RB1CC1: variants seen among roughly 807,000 people sequenced by gnomAD.
RB1CC1 encodes the protein RB1-inducible coiled-coil protein 1.
RB1CC1 carries 46 observed loss-of-function variants against 177.5 expected under a neutral mutation model. That is an observed-to-expected ratio of 0.26 (90% confidence interval 0.20 to 0.33). The LOEUF (loss-of-function observed/expected upper bound fraction) is 0.33. Ranked by LOEUF, RB1CC1 falls within the 10% of genes least tolerant of loss-of-function variation. The probability of loss-of-function intolerance (pLI) is 1.00; values close to 1 mark genes in which losing one functional copy is unlikely to be tolerated. For synonymous variants in RB1CC1, 666 were observed against 613.6 expected (o/e 1.09, Z -1.26); for missense variants, 1,703 against 1,816.3 (o/e 0.94, Z 1.13).
chr8:52,657,944 G>C, intron 14 of RB1CC1, 36 bp from the exon 15 acceptor site: 2 of 1,612,544 alleles, frequency 1.2e-6, no homozygotes, highest in Non-Finnish European at 8.5e-7. Context: ...AGAGCTGCAG[G>C]AACACAAACA....
chr8:52,643,438 T>C lies in RB1CC1; in HGVS notation c.3988-626A>G, dbSNP rs148691471. ...TGCTTAGGCCGGACTTGGTGGCTCATGCCTGTAATCTCAGCACTTTGGGAG... is the reference window on the plus strand; with the variant it reads ...TGCTTAGGCCGGACTTGGTGGCTCACGCCTGTAATCTCAGCACTTTGGGAG... On this transcript the variant is annotated intron_variant, in intron 16 of 23. Coordinates refer to ENST00000025008, the MANE Select transcript of RB1CC1 (RefSeq NM_014781.5). Among the ~76,000 whole-genome samples the C allele has an allele frequency of 4.4e-3, 666 of 152,258 alleles. 11 individuals carry two copies. The highest frequency in any genetic ancestry group is 0.022 in the Admixed American group (332 of 15,282).
At chr8:52,667,917 G>T in intron 8 of RB1CC1, 104 bp downstream of exon 8, 1 of 1,135,924 alleles carries the variant, frequency 8.8e-7, no homozygotes, top group Non-Finnish European at 1.2e-6. Flanking sequence ...AAATATTCAA[G>T]GAAAAAGTGA....
chr8:52,685,002 CTTTT>C (rs34656821), intron 3 of RB1CC1, among the ~76,000 whole-genome samples: 5 of 130,272 alleles, frequency 3.8e-5, no homozygotes, highest in Admixed American at 1.5e-4. Flanking sequence ...ATTATGTGAC[CTTTT>C]TTTTTTTTTT....
intron 15 of RB1CC1, among the ~76,000 whole-genome samples, chr8:52,652,066 G>A (rs1850637701): frequency 1.3e-5 from 2 of 152,022 alleles, no homozygotes; most frequent in Non-Finnish European, 2.9e-5. Context: ...TTCAGCATAA[G>A]GTTGGATTTT....
chr8:52,682,149 GA>G (rs1406589390), intron 5 of RB1CC1, among the ~76,000 whole-genome samples: 3 of 152,194 alleles, frequency 2.0e-5, no homozygotes, highest in Non-Finnish European at 4.4e-5. Flanking sequence ...AAGTCCATGG[GA>G]ACCCACCTCT....
rs1848141278 is a variant in RB1CC1, at chr8:52,622,738, ACT to A, written c.*1042_*1043del. Reference sequence around the variant, plus strand: ...TTTACACAATTCTATTCTACATAACACTGTTTACCCTGTTACATAGTATATAG... The same window carrying A: ...TTTACACAATTCTATTCTACATAACAGTTTACCCTGTTACATAGTATATAG... On this transcript the variant is annotated 3_prime_UTR_variant, in exon 24 of 24. Transcript: ENST00000025008. 6.6e-6 allele frequency: 1 copy of A among 151,944 alleles called. No homozygotes were observed. The highest frequency in any genetic ancestry group is 2.4e-5 in the African/African-American group (1 of 41,380). 9.4% of individuals were successfully genotyped at this position (151,944 alleles called of 1,614,324 possible).
Position 52,685,379 on chromosome 8 carries a change from AT to A in RB1CC1, c.71+19del. The A allele has an allele frequency of 3.2e-6, 5 of 1,545,126 alleles. No homozygotes were observed. Among genetic ancestry groups the A allele is most frequent in the Non-Finnish European group, 1.8e-6 (2 of 1,126,248 alleles). ...CATGCAGACAGAATGCGAAAAAAAAATAAATGAAATACAACTCACGTTTGCA... is the reference window on the plus strand; with the variant it reads ...CATGCAGACAGAATGCGAAAAAAAAAAAATGAAATACAACTCACGTTTGCA... On this transcript the variant is annotated intron_variant, in intron 3 of 23. Coordinates refer to ENST00000025008, the MANE Select transcript of RB1CC1 (RefSeq NM_014781.5).
intron 15 of RB1CC1, among the ~76,000 whole-genome samples, chr8:52,652,197 G>C (rs1015054424): frequency 2.0e-5 from 3 of 152,082 alleles, no homozygotes; most frequent in African/African-American, 7.2e-5. Flanking sequence ...GCCAAGCATG[G>C]TGGCTCACGC....
At chr8:52,708,047 C>T (rs1447500786) in intron 1 of RB1CC1, among the ~76,000 whole-genome samples, 2 of 152,118 alleles carry the variant, frequency 1.3e-5, no homozygotes, top group Admixed American at 1.3e-4. Flanking sequence ...AAAATGGTGG[C>T]AATTATGACT....
At chr8:52,652,109 T>G (rs866289969) in intron 15 of RB1CC1, among the ~76,000 whole-genome samples, 1 of 152,174 alleles carries the variant, frequency 6.6e-6, no homozygotes, top group African/African-American at 2.4e-5. Flanking sequence ...CTTAAGAGAT[T>G]TGCAAATACA....
intron 18 of RB1CC1, among the ~76,000 whole-genome samples, chr8:52,636,465 G>C (rs976657755): frequency 1.3e-5 from 2 of 152,090 alleles, no homozygotes; most frequent in South Asian, 2.1e-4. Flanking sequence ...TGCCAGGTGT[G>C]AATTTGCCCA....
chr8:52,700,791 A>G (rs1282244708), intron 1 of RB1CC1, among the ~76,000 whole-genome samples: 1 of 152,250 alleles, frequency 6.6e-6, no homozygotes, highest in Non-Finnish European at 1.5e-5. Flanking sequence ...AAACATGTAT[A>G]CACAAAAACA....
chr8:52,654,262 T>C (rs1021882031), intron 15 of RB1CC1, among the ~76,000 whole-genome samples: 1 of 152,236 alleles, frequency 6.6e-6, no homozygotes, highest in Non-Finnish European at 1.5e-5. Context: ...TTCCATAGGC[T>C]TTGCCCTTGC....
chr8:52,685,522 T>TC lies in RB1CC1; in HGVS notation c.-51-3_-51-2insG. The TC allele has an allele frequency of 8.9e-7, 1 of 1,124,906 alleles. No individual in the cohort carries two copies. The highest frequency in any genetic ancestry group is 2.1e-5 in the Admixed American group (1 of 48,016). The allele number at this position is 1,124,906 out of a possible 1,614,324, so 69.7% of individuals were successfully genotyped here. The stretch of plus-strand genomic sequence containing the variant: ...ATACCTCACCCTCTGATACAGTTAC[T>TC]AGAAGAAACAAGAGAAGTGATCAAT... On this transcript the variant is annotated splice_region_variant and splice_polypyrimidine_tract_variant and intron_variant, in intron 2 of 23. Transcript: ENST00000025008.
chr8:52,661,849 C>CT (rs1433365161), intron 8 of RB1CC1, 130 bp from the exon 9 acceptor site: 6 of 644,502 alleles, frequency 9.3e-6, no homozygotes, highest in Non-Finnish European at 1.4e-5. Context: ...TTTAAATCCT[C>CT]TATTTTTCTC....
chr8:52,635,642 G>C (rs1437752149), intron 19 of RB1CC1, among the ~76,000 whole-genome samples: 1 of 151,982 alleles, frequency 6.6e-6, no homozygotes, highest in Non-Finnish European at 1.5e-5. Context: ...TTTCTAAAAA[G>C]TATTTAATAC....
intron 5 of RB1CC1, among the ~76,000 whole-genome samples, chr8:52,679,812 T>C (rs916255781): frequency 2.0e-5 from 3 of 152,210 alleles, no homozygotes; most frequent in Admixed American, 1.3e-4. Context: ...CTTGGGGCCC[T>C]ATCTGAAATT....
chr8:52,638,018 C>T (rs1849282861), intron 18 of RB1CC1, among the ~76,000 whole-genome samples: 1 of 152,078 alleles, frequency 6.6e-6, no homozygotes, highest in African/African-American at 2.4e-5. Flanking sequence ...GATAGAACTT[C>T]CAAGTACAAT....
chr8:52,706,361 C>CT (rs71252955), intron 1 of RB1CC1, among the ~76,000 whole-genome samples: 279 of 138,406 alleles, frequency 2.0e-3, no homozygotes, highest in African/African-American at 3.9e-3. Context: ...CAACTGTTAT[C>CT]TTTTTTTTTT....
Sources: gnomAD v4.1 joint callset for allele counts (sites outside exome capture counted in the v4.1 genomes callset) on GRCh38, gnomAD v4.1.1 for gene constraint, MANE v1.5 for transcripts, NCBI Gene and HGNC (gene_info 2026-07-23, HGNC 2026-07-21) for gene names.